GCFC2: variants seen among roughly 807,000 people sequenced by gnomAD.
GCFC2 encodes GC-rich sequence DNA-binding factor 2.
Under a neutral mutation model 99.4 loss-of-function variants are expected in GCFC2, and 102 were observed. The observed-to-expected ratio is 1.03, with a 90% CI of 0.87 to 1.21. GCFC2 has a LOEUF of 1.21. Among genes scored for constraint, GCFC2 ranks in the 50% most tolerant of loss-of-function variants. The pLI is 0.00. For missense variants in GCFC2, 973 were observed against 920.9 expected, an observed-to-expected ratio of 1.06 and a Z score of -0.73; for synonymous variants, 338 against 316.8, an observed-to-expected ratio of 1.07 and a Z score of -0.71.
intron 12 of GCFC2, among the ~76,000 whole-genome samples, chr2:75,675,680 G>T (rs1461764275): frequency 6.7e-6 from 1 of 148,778 alleles, no homozygotes; most frequent in Non-Finnish European, 1.5e-5. Context: ...GGAGGTGGAG[G>T]TTGCAGTGAG....
At chr2:75,686,163 A>G (rs987814761) in intron 11 of GCFC2, among the ~76,000 whole-genome samples, 2 of 152,238 alleles carry the variant, frequency 1.3e-5, no homozygotes, top group African/African-American at 2.4e-5. Flanking sequence ...TTCTATCATT[A>G]GTAGAGTTAG....
At chr2:75,673,102 A>T (rs900767270) in intron 13 of GCFC2, among the ~76,000 whole-genome samples, 7 of 152,094 alleles carry the variant, frequency 4.6e-5, no homozygotes, top group African/African-American at 1.7e-4. Context: ...CAAGGTCAGG[A>T]GATCGAGACC....
At chr2:75,681,501 G>T (rs543357331) in intron 11 of GCFC2, among the ~76,000 whole-genome samples, 1 of 151,870 alleles carries the variant, frequency 6.6e-6, no homozygotes, top group Non-Finnish European at 1.5e-5. Context: ...AAAACTGGGT[G>T]GCTGTTTGGG....
In GCFC2 at chr2:75,683,239, G is replaced by A. The variant is rs532954447; in HGVS notation, c.1691-2925C>T. 1.4e-3 allele frequency among the ~76,000 whole-genome samples: 214 copies of A among 151,958 alleles called. 7 individuals carry two copies. Among genetic ancestry groups the A allele is most frequent in the African/African-American group, 4.9e-3 (201 of 41,242 alleles). On this transcript the variant is annotated intron_variant, in intron 11 of 16. Transcript: ENST00000321027. ...AATGGAAGCCCATCAGACTAACAGC[G>A]GATCTCTCTGCAGAAACCCTACAAG...
At chr2:75,691,953 G>A (rs750186293) in intron 7 of GCFC2, 24 bp downstream of exon 7, 4 of 1,313,064 alleles carry the variant, frequency 3.0e-6, no homozygotes, top group African/African-American at 3.0e-5. Flanking sequence ...ATAATAAATT[G>A]TATGGAACAC....
intron 9 of GCFC2, among the ~76,000 whole-genome samples, chr2:75,689,670 A>C (rs1679973000): frequency 6.6e-6 from 1 of 152,190 alleles, no homozygotes; most frequent in African/African-American, 2.4e-5. Flanking sequence ...TTTTAAGTTA[A>C]AAATGACAAT....
intron 11 of GCFC2, among the ~76,000 whole-genome samples, chr2:75,683,658 TAA>T (rs1289337187): frequency 6.9e-6 from 1 of 144,922 alleles, no homozygotes; most frequent in Non-Finnish European, 1.5e-5. Context: ...GCAAATTGAA[TAA>T]AGTGTCAAGA....
At chr2:75,668,339 G>GAAAACAAAAC (rs368695001) in intron 15 of GCFC2, among the ~76,000 whole-genome samples, 161 of 151,750 alleles carry the variant, frequency 1.1e-3, no homozygotes, top group Middle Eastern at 3.4e-3. Context: ...AAGTGCTAAA[G>GAAAACAAAAC]AAAACAAAAC....
At position 75,665,806 on chromosome 2, in the gene GCFC2, ACT is replaced by A. The variant is rs1264044060; in HGVS notation, c.2228+121_2228+122del. 4 of 555,690 alleles carry A rather than the reference ACT, an allele frequency of 7.2e-6. No homozygotes were observed. In the East Asian group the frequency reaches 9.5e-5, roughly 13 times the overall value. The allele number at this position is 555,690 out of a possible 1,614,324, so 34.4% of individuals were successfully genotyped here. ...AAGGTAACCATAAAAATATCTACTA[ACT>A]CTACAAAGTTTTAACAAATTTTTAA... On this transcript the variant is annotated intron_variant, in intron 16 of 16. Transcript: ENST00000321027.
chr2:75,680,388 C>A, intron 11 of GCFC2, 74 bp from the exon 12 acceptor site: 1 of 1,248,796 alleles, frequency 8.0e-7, no homozygotes, highest in South Asian at 1.4e-5. Context: ...ATAATCAAGA[C>A]CTTTAACAAA....
intron 9 of GCFC2, 30 bp downstream of exon 9, chr2:75,689,939 C>T (rs1679985103): frequency 5.1e-6 from 6 of 1,172,748 alleles, no homozygotes; most frequent in Non-Finnish European, 7.5e-6. Flanking sequence ...AAAACTCAAA[C>T]CATGATATAT....
At position 75,689,183 on chromosome 2, in the gene GCFC2, T is replaced by G. The variant is rs568695239; in HGVS notation, c.1382A>C (p.Gln461Pro). ...ATTCTGGATGTTACAAAAATCATCT[T>G]GCACTTCTTCAAAAACTTTCTTCTG... ...QKQKKVFEEV[Q>P]DDFCNIQNIL... Residue 461 changes from glutamine to proline, a missense_variant, in exon 10 of 17, where the codon CAA (glutamine) becomes CCA (proline). Coordinates refer to ENST00000321027, the MANE Select transcript of GCFC2 (RefSeq NM_003203.5). The G allele has an allele frequency of 6.2e-7, 1 of 1,604,932 alleles. No homozygotes were observed. The highest frequency in any genetic ancestry group is 8.5e-7 in the Non-Finnish European group (1 of 1,174,440).
chr2:75,681,099 T>C (rs1679553708), intron 11 of GCFC2, among the ~76,000 whole-genome samples: 1 of 152,218 alleles, frequency 6.6e-6, no homozygotes, highest in South Asian at 2.1e-4. Flanking sequence ...ACTATTTATC[T>C]TGTATTAAAA....
intron 4 of GCFC2, 136 bp downstream of exon 4, chr2:75,701,054 T>G: frequency 1.6e-6 from 1 of 607,576 alleles, no homozygotes; most frequent in Non-Finnish European, 2.9e-6. Context: ...AGCAAGGTGC[T>G]GCCAATACCT....
intron 4 of GCFC2, among the ~76,000 whole-genome samples, chr2:75,699,618 C>T (rs1362510997): frequency 6.6e-6 from 1 of 152,124 alleles, no homozygotes; most frequent in Non-Finnish European, 1.5e-5. Context: ...ACTCTGTTGC[C>T]CAGACTGGAG....
intron 9 of GCFC2, 58 bp from the exon 10 acceptor site, chr2:75,689,283 C>T: frequency 1.1e-6 from 1 of 897,076 alleles, no homozygotes; most frequent in Non-Finnish European, 1.8e-6. Context: ...AGTATGCTTC[C>T]TTAAAAACAC....
intron 13 of GCFC2, among the ~76,000 whole-genome samples, chr2:75,672,632 T>G (rs1051040568): frequency 6.6e-6 from 1 of 152,082 alleles, no homozygotes; most frequent in Non-Finnish European, 1.5e-5. Flanking sequence ...CATCAAATAC[T>G]CGTTTTATAA....
chr2:75,668,712 A>G (rs1343761278), intron 15 of GCFC2, among the ~76,000 whole-genome samples: 3 of 152,128 alleles, frequency 2.0e-5, no homozygotes, highest in African/African-American at 7.2e-5. Context: ...GTTTCCAACT[A>G]TTTTCTATTA....
At chr2:75,670,024 C>T in intron 15 of GCFC2, 114 bp downstream of exon 15, 1 of 641,582 alleles carries the variant, frequency 1.6e-6, no homozygotes, top group Non-Finnish European at 2.6e-6. Flanking sequence ...TGTGCCTGGC[C>T]CATTTGTCTA....
Sources: allele counts gnomAD v4.1 joint callset (sites outside exome capture counted in the v4.1 genomes callset), GRCh38; gene constraint gnomAD v4.1.1; transcripts MANE v1.5; gene names NCBI Gene and HGNC (gene_info 2026-07-23, HGNC 2026-07-21).